Variants in FHIT observed in about 807,000 individuals in gnomAD.
FHIT encodes bis(5'-adenosyl)-triphosphatase.
A neutral mutation model predicts 17.9 loss-of-function variants in FHIT; 19 were observed. The ratio of observed to expected loss-of-function variants is 1.06; its 90% CI spans 0.74 to 1.56. FHIT has a LOEUF of 1.56. Among genes scored for constraint, FHIT ranks in the 40% most tolerant of loss-of-function variants. The pLI, the probability that FHIT is intolerant of heterozygous loss-of-function variation, is 0.00. For synonymous variants in FHIT, 81 were observed against 69.7 expected, an observed-to-expected ratio of 1.16 and a Z score of -0.81; for missense variants, 248 against 189.2, an observed-to-expected ratio of 1.31 and a Z score of -1.82.
At chr3:60,181,410 T>C (rs1046562674) in intron 5 of FHIT, among the ~76,000 whole-genome samples, 10 of 152,156 alleles carry the variant, frequency 6.6e-5, no homozygotes, top group Middle Eastern at 3.2e-3. Context: ...CCTCCCAAAG[T>C]GCTGGGATTA....
At chr3:59,791,622 G>A (rs959964443) in intron 8 of FHIT, among the ~76,000 whole-genome samples, 2 of 152,150 alleles carry the variant, frequency 1.3e-5, no homozygotes, top group African/African-American at 4.8e-5. Context: ...CTATGTTGCA[G>A]TCTATTGAGC....
At chr3:59,976,747 A>G (rs865936355) in intron 7 of FHIT, among the ~76,000 whole-genome samples, 5 of 152,098 alleles carry the variant, frequency 3.3e-5, no homozygotes, top group Non-Finnish European at 5.9e-5. Context: ...GGGAGATGAT[A>G]TTCAGTTTAG....
chr3:60,654,176 G>C (rs570910115), intron 4 of FHIT, among the ~76,000 whole-genome samples: 1 of 151,988 alleles, frequency 6.6e-6, no homozygotes, highest in Non-Finnish European at 1.5e-5. Context: ...AGCCAGCACC[G>C]TGCTTCCTGT....
At chr3:60,181,586 T>C (rs1701939267) in intron 5 of FHIT, among the ~76,000 whole-genome samples, 1 of 152,170 alleles carries the variant, frequency 6.6e-6, no homozygotes, top group South Asian at 2.1e-4. Flanking sequence ...ACCACTGGCA[T>C]CAACAGAAGA....
At chr3:61,199,739 C>T (rs2106668710) in intron 2 of FHIT, among the ~76,000 whole-genome samples, 1 of 142,676 alleles carries the variant, frequency 7.0e-6, no homozygotes, top group Non-Finnish European at 1.5e-5. Context: ...GTAATAATTG[C>T]TGCAATAAAA....
intron 7 of FHIT, among the ~76,000 whole-genome samples, chr3:59,956,195 T>C (rs1330700723): frequency 6.6e-6 from 1 of 152,210 alleles, no homozygotes; most frequent in African/African-American, 2.4e-5. Flanking sequence ...CTTAATCTAG[T>C]GGTTAAAAGC....
chr3:60,069,666 C>T (rs9874674), intron 5 of FHIT, among the ~76,000 whole-genome samples: 57,322 of 151,990 alleles, frequency 0.38, 12,953 homozygotes, highest in African/African-American at 0.64. Flanking sequence ...TTTGCTGTGA[C>T]TCTAGTAAAG....
At chr3:60,521,726 C>A (rs1055374497) in intron 5 of FHIT, among the ~76,000 whole-genome samples, 1 of 152,130 alleles carries the variant, frequency 6.6e-6, no homozygotes, top group African/African-American at 2.4e-5. Context: ...AATAAATGAC[C>A]TAAGTTTCCC....
intron 5 of FHIT, among the ~76,000 whole-genome samples, chr3:60,164,977 C>T (rs1465320445): frequency 2.0e-5 from 3 of 152,044 alleles, no homozygotes; most frequent in Admixed American, 2.0e-4. Flanking sequence ...CAGAGAGTCA[C>T]AACGCAAAAA....
intron 7 of FHIT, among the ~76,000 whole-genome samples, chr3:59,970,390 G>C (rs1708121404): frequency 6.6e-6 from 1 of 152,076 alleles, no homozygotes; most frequent in African/African-American, 2.4e-5. Context: ...TTATTGATTG[G>C]TGTTGACTGA....
chr3:60,547,481 G>C (rs746767106), intron 4 of FHIT, among the ~76,000 whole-genome samples: 2 of 152,108 alleles, frequency 1.3e-5, no homozygotes, highest in Admixed American at 1.3e-4. Flanking sequence ...ATTTCTAGCC[G>C]ATTACTTTCT....
chr3:60,311,384 G>C (rs1708939957), intron 5 of FHIT, among the ~76,000 whole-genome samples: 1 of 152,026 alleles, frequency 6.6e-6, no homozygotes, highest in South Asian at 2.1e-4. Context: ...ATGCTTCTCA[G>C]GGTACTGCAT....
At chr3:60,967,764 C>T (rs1709816552) in intron 3 of FHIT, among the ~76,000 whole-genome samples, 1 of 152,160 alleles carries the variant, frequency 6.6e-6, no homozygotes, top group African/African-American at 2.4e-5. Context: ...AAACTAAATG[C>T]ATTACACTAG....
intron 5 of FHIT, among the ~76,000 whole-genome samples, chr3:60,114,067 ATATAT>A (rs1559644286): frequency 4.8e-4 from 52 of 107,534 alleles, no homozygotes; most frequent in African/African-American, 1.6e-3. Flanking sequence ...ATATATATAT[ATATAT>A]AATGTTATAT....
intron 8 of FHIT, among the ~76,000 whole-genome samples, chr3:59,899,858 C>CA (rs111325099): frequency 7.3e-5 from 11 of 151,656 alleles, no homozygotes; most frequent in Admixed American, 4.6e-4. Context: ...AAAACAAAAA[C>CA]AAAAAAAAGA....
chr3:59,910,190 C>G (rs1007202036), intron 8 of FHIT, among the ~76,000 whole-genome samples: 9 of 152,108 alleles, frequency 5.9e-5, no homozygotes, highest in African/African-American at 2.2e-4. Flanking sequence ...ATAAGATGAG[C>G]AATGGTTCAT....
At chr3:60,281,848 T>G (rs1275231259) in intron 5 of FHIT, among the ~76,000 whole-genome samples, 1 of 152,148 alleles carries the variant, frequency 6.6e-6, no homozygotes, top group Non-Finnish European at 1.5e-5. Flanking sequence ...AATTTAAAAC[T>G]TTTGCTCTAC....
At chr3:61,056,100 A>G (rs1469737259) in intron 2 of FHIT, among the ~76,000 whole-genome samples, 1 of 152,190 alleles carries the variant, frequency 6.6e-6, no homozygotes, top group Non-Finnish European at 1.5e-5. Context: ...TGTATCCATT[A>G]ATCTTTCAGT....
intron 5 of FHIT, among the ~76,000 whole-genome samples, chr3:60,118,915 G>A (rs1169757156): frequency 6.6e-6 from 1 of 151,048 alleles, no homozygotes; most frequent in African/African-American, 2.4e-5. Context: ...CAGCTACTAG[G>A]GAGGCTGAGG....
Sources: gnomAD v4.1 joint callset for allele counts (sites outside exome capture counted in the v4.1 genomes callset) on GRCh38, gnomAD v4.1.1 for gene constraint, MANE v1.5 for transcripts, NCBI Gene and HGNC (gene_info 2026-07-23, HGNC 2026-07-21) for gene names.